The following PPM1H variants were observed in gnomAD, a reference collection of about 807,000 sequenced individuals.
PPM1H encodes the protein protein phosphatase 1H.
Under a neutral mutation model 54.9 loss-of-function variants are expected in PPM1H, and 27 were observed. The observed-to-expected ratio is 0.49, with a 90% CI of 0.36 to 0.68. The LOEUF (loss-of-function observed/expected upper bound fraction) is 0.68, where lower values mean the gene tolerates loss of function less well. PPM1H is among the 30% of genes least tolerant of loss of function. The pLI is 0.00. For missense variants in PPM1H, 596 were observed against 667.8 expected (o/e 0.89, Z 1.19); for synonymous variants, 305 against 270.8 (o/e 1.13, Z -1.24).
At chr12:62,832,417 T>C in intron 1 of PPM1H, 138 bp from the exon 2 acceptor site, 1 of 790,588 alleles carries the variant, frequency 1.3e-6, no homozygotes, top group Non-Finnish European at 1.9e-6. Flanking sequence ...CATTATGGTC[T>C]TGGTATTTTA....
In PPM1H at chr12:62,871,758, C is replaced by T. The variant is rs584326; in HGVS notation, c.246-39479G>A. ...GTCGAACTCATAAGCTCAAGCAATCCGCCCTCCTTGGCCTCCCAAAGTGCT... is the reference window on the plus strand; with the variant it reads ...GTCGAACTCATAAGCTCAAGCAATCTGCCCTCCTTGGCCTCCCAAAGTGCT... On this transcript the variant is annotated intron_variant, in intron 1 of 9. Coordinates refer to ENST00000228705, the MANE Select transcript of PPM1H (RefSeq NM_020700.2). 5.5e-3 allele frequency among the ~76,000 whole-genome samples: 842 copies of T among 152,124 alleles called. 7 individuals are homozygous for T. The highest frequency in any genetic ancestry group is 0.018 in the African/African-American group (750 of 41,492).
intron 6 of PPM1H, among the ~76,000 whole-genome samples, chr12:62,719,817 C>G (rs1288098165): frequency 6.6e-6 from 1 of 152,186 alleles, no homozygotes; most frequent in Non-Finnish European, 1.5e-5. Flanking sequence ...GTCAGTCTGG[C>G]TCAATAAACC....
At chr12:62,686,311 A>G (rs2076051425) in intron 8 of PPM1H, among the ~76,000 whole-genome samples, 1 of 152,282 alleles carries the variant, frequency 6.6e-6, no homozygotes, top group African/African-American at 2.4e-5. Flanking sequence ...CTCATTTTAT[A>G]TAAAAAGTAA....
intron 6 of PPM1H, among the ~76,000 whole-genome samples, chr12:62,697,246 C>A (rs2076119963): frequency 6.6e-6 from 1 of 152,024 alleles, no homozygotes; most frequent in African/African-American, 2.4e-5. Flanking sequence ...CCTGCCTTAG[C>A]CTCCCAAGTA....
intron 2 of PPM1H, among the ~76,000 whole-genome samples, chr12:62,816,981 A>G (rs1021433981): frequency 6.6e-6 from 1 of 151,694 alleles, no homozygotes; most frequent in African/African-American, 2.4e-5. Context: ...ACACCCACCA[A>G]TAAGGGGCCT....
intron 5 of PPM1H, among the ~76,000 whole-genome samples, chr12:62,729,938 C>T (rs2076310949): frequency 6.6e-6 from 1 of 152,122 alleles, no homozygotes; most frequent in Admixed American, 6.5e-5. Flanking sequence ...TAACTGATGA[C>T]ATTTCACCAC....
At chr12:62,755,679 T>TATC (rs1408687417) in intron 4 of PPM1H, 3 of 666,086 alleles carry the variant, frequency 4.5e-6, no homozygotes, top group Admixed American at 2.2e-5. Context: ...ATGCCTCCTG[T>TATC]ATCACCAACT....
At chr12:62,858,893 T>C (rs1685711252) in intron 1 of PPM1H, among the ~76,000 whole-genome samples, 1 of 152,212 alleles carries the variant, frequency 6.6e-6, no homozygotes, top group African/African-American at 2.4e-5. Flanking sequence ...GGACAAAATG[T>C]TTTAATTCAT....
intron 4 of PPM1H, among the ~76,000 whole-genome samples, chr12:62,770,406 C>T (rs2076571733): frequency 6.6e-6 from 1 of 152,170 alleles, no homozygotes; most frequent in African/African-American, 2.4e-5. Context: ...GGACCTGAAT[C>T]CAGCTTTTGT....
At chr12:62,835,801 G>A (rs2120873104) in intron 1 of PPM1H, among the ~76,000 whole-genome samples, 1 of 151,902 alleles carries the variant, frequency 6.6e-6, no homozygotes, top group East Asian at 1.9e-4. Context: ...CACAGCTTTA[G>A]TAGAAAGGCC....
chr12:62,714,012 G>A (rs530415513), intron 6 of PPM1H, among the ~76,000 whole-genome samples: 1 of 152,042 alleles, frequency 6.6e-6, no homozygotes, highest in South Asian at 2.1e-4. Context: ...ACTCTTTGCT[G>A]TTGGGATGCT....
intron 1 of PPM1H, among the ~76,000 whole-genome samples, chr12:62,877,632 T>C (rs1323582188): frequency 6.6e-6 from 1 of 152,176 alleles, no homozygotes; most frequent in Non-Finnish European, 1.5e-5. Flanking sequence ...GTCATATGGC[T>C]GTTAAGTGGC....
chr12:62,711,666 G>A (rs1467207137), intron 6 of PPM1H, among the ~76,000 whole-genome samples: 1 of 152,184 alleles, frequency 6.6e-6, no homozygotes, highest in Non-Finnish European at 1.5e-5. Flanking sequence ...AGATATAAAT[G>A]CTGTGAGTGT....
intron 1 of PPM1H, among the ~76,000 whole-genome samples, chr12:62,912,325 G>A (rs529621057): frequency 3.9e-5 from 6 of 152,084 alleles, no homozygotes; most frequent in East Asian, 1.9e-4. Context: ...TAAAACTTGC[G>A]GGCTACATTA....
chr12:62,833,458 C>T (rs1416444503), intron 1 of PPM1H, among the ~76,000 whole-genome samples: 4 of 152,098 alleles, frequency 2.6e-5, no homozygotes, highest in East Asian at 1.9e-4. Context: ...ACGGTAACAT[C>T]TTATATAAGA....
chr12:62,843,340 C>A (rs1477972888), intron 1 of PPM1H, among the ~76,000 whole-genome samples: 1 of 152,118 alleles, frequency 6.6e-6, no homozygotes, highest in Non-Finnish European at 1.5e-5. Context: ...AACAAACAAA[C>A]AAAAAACCAC....
At position 62,870,288 on chromosome 12, in the gene PPM1H, T is replaced by C. The variant is rs1005208093; in HGVS notation, c.246-38009A>G. The stretch of plus-strand genomic sequence containing the variant: ...GAAATTGTGCACTAGTGAAAAGGGA[T>C]GGAGCCAGGGCCTTGCAGCTCATTT... On this transcript the variant is annotated intron_variant, in intron 1 of 9. Transcript: ENST00000228705. Among the ~76,000 whole-genome samples, 14 of 152,112 alleles carry C rather than the reference T, an allele frequency of 9.2e-5. No individual in the cohort carries two copies. In the East Asian group the frequency reaches 2.7e-3, roughly 29 times the overall value.
At chr12:62,736,406 T>C (rs891742045) in intron 5 of PPM1H, among the ~76,000 whole-genome samples, 2 of 152,212 alleles carry the variant, frequency 1.3e-5, no homozygotes, top group African/African-American at 4.8e-5. Context: ...AGTAGTGGTT[T>C]CAAGTTTATC....
chr12:62,693,275 C>T (rs1333389206), intron 7 of PPM1H, among the ~76,000 whole-genome samples: 3 of 152,212 alleles, frequency 2.0e-5, no homozygotes, highest in South Asian at 2.1e-4. Context: ...GGTTCGACAA[C>T]GTGCTGTTCA....
Sources: allele counts gnomAD v4.1 joint callset (sites outside exome capture counted in the v4.1 genomes callset), GRCh38; gene constraint gnomAD v4.1.1; transcripts MANE v1.5; gene names NCBI Gene and HGNC (gene_info 2026-07-23, HGNC 2026-07-21).